The following HSDL2 variants were observed in gnomAD, a reference collection of about 807,000 sequenced individuals.
HSDL2 encodes the protein hydroxysteroid dehydrogenase like 2.
A neutral mutation model predicts 46.3 loss-of-function variants in HSDL2; 27 were observed. The observed-to-expected ratio is 0.58, with a 90% CI of 0.43 to 0.80. The LOEUF is 0.80. HSDL2 is among the 30% of genes least tolerant of loss of function. The pLI is 0.00. For missense variants in HSDL2, 451 were observed against 502.7 expected (o/e 0.90, Z 0.98); for synonymous variants, 153 against 163.6 (o/e 0.94, Z 0.50).
intron 6 of HSDL2, 75 bp from the exon 7 acceptor site, chr9:112,438,356 C>G: frequency 1.0e-6 from 1 of 957,378 alleles, no homozygotes; most frequent in Non-Finnish European, 1.4e-6. Flanking sequence ...AAGGGTGGTG[C>G]TTGCTTGTTA....
chr9:112,425,734 T>C (rs182893609), intron 6 of HSDL2, among the ~76,000 whole-genome samples: 5 of 152,326 alleles, frequency 3.3e-5, no homozygotes, highest in African/African-American at 1.2e-4. Flanking sequence ...CTGATTTTTA[T>C]TTATTTATTT....
chr9:112,430,065 C>G (rs1331245240), intron 6 of HSDL2, among the ~76,000 whole-genome samples: 1 of 150,124 alleles, frequency 6.7e-6, no homozygotes, highest in Admixed American at 6.6e-5. Context: ...GCCTGGGCAA[C>G]AGAGTTAAAC....
intron 6 of HSDL2, among the ~76,000 whole-genome samples, chr9:112,423,045 C>T (rs932778651): frequency 2.0e-5 from 3 of 152,146 alleles, no homozygotes; most frequent in African/African-American, 7.2e-5. Context: ...GTAGAAAGGG[C>T]TGTTAACCAA....
intron 4 of HSDL2, among the ~76,000 whole-genome samples, chr9:112,415,904 CG>C (rs1564114667): frequency 1.3e-5 from 2 of 152,014 alleles, no homozygotes; most frequent in African/African-American, 4.8e-5. Context: ...GGTCAGGAGT[CG>C]AGACCATCCT....
At chr9:112,426,265 T>C (rs1380899803) in intron 6 of HSDL2, among the ~76,000 whole-genome samples, 1 of 149,616 alleles carries the variant, frequency 6.7e-6, no homozygotes, top group Non-Finnish European at 1.5e-5. Flanking sequence ...AGATGGAGTC[T>C]TGCTCTGTCG....
intron 6 of HSDL2, among the ~76,000 whole-genome samples, chr9:112,436,686 T>C (rs374780035): frequency 6.6e-6 from 1 of 152,140 alleles, no homozygotes; most frequent in East Asian, 1.9e-4. Context: ...TGAATTATGT[T>C]GGAAAGTAAA....
At chr9:112,451,091 A>G (rs1205959085) in intron 8 of HSDL2, among the ~76,000 whole-genome samples, 1 of 152,072 alleles carries the variant, frequency 6.6e-6, no homozygotes, top group African/African-American at 2.4e-5. Context: ...GGTCCCAGCT[A>G]CTCAGGAAGC....
At chr9:112,383,178 G>A (rs10453232) in intron 1 of HSDL2, among the ~76,000 whole-genome samples, 95,684 of 151,800 alleles carry the variant, frequency 0.63, 30,301 homozygotes, top group East Asian at 0.65. Context: ...GGTTTAAGTG[G>A]TTCTCCTGCC....
intron 8 of HSDL2, among the ~76,000 whole-genome samples, chr9:112,446,154 C>G (rs1832756108): frequency 6.6e-6 from 1 of 151,020 alleles, no homozygotes; most frequent in Non-Finnish European, 1.5e-5. Flanking sequence ...GGAGATATCT[C>G]TAGAGCTAGT....
chr9:112,431,827 G>A (rs1832410900), intron 6 of HSDL2, among the ~76,000 whole-genome samples: 1 of 151,552 alleles, frequency 6.6e-6, no homozygotes, highest in Non-Finnish European at 1.5e-5. Context: ...AGAACTGTGA[G>A]CCAGTTAAAC....
intron 9 of HSDL2, among the ~76,000 whole-genome samples, chr9:112,458,636 C>G (rs1238080390): frequency 6.6e-6 from 1 of 151,976 alleles, no homozygotes; most frequent in Non-Finnish European, 1.5e-5. Flanking sequence ...CTATTTTAAC[C>G]ACTTCTAAGT....
At chr9:112,420,569 G>A (rs2132645753) in intron 6 of HSDL2, among the ~76,000 whole-genome samples, 1 of 151,898 alleles carries the variant, frequency 6.6e-6, no homozygotes, top group African/African-American at 2.4e-5. Flanking sequence ...TATGGCCCCA[G>A]CTGAGATGGG....
chr9:112,447,978 T>C (rs1475233490), intron 8 of HSDL2, among the ~76,000 whole-genome samples: 1 of 152,188 alleles, frequency 6.6e-6, no homozygotes, highest in Non-Finnish European at 1.5e-5. Flanking sequence ...ATTGAAAGCA[T>C]AGACTTTGGA....
chr9:112,409,660 C>T (rs991321801), intron 4 of HSDL2, among the ~76,000 whole-genome samples: 7 of 152,136 alleles, frequency 4.6e-5, no homozygotes, highest in Non-Finnish European at 7.4e-5. Flanking sequence ...TGGCAAGACG[C>T]TGTCTCTACA....
chr9:112,442,932 G>A (rs1483755410), intron 8 of HSDL2, among the ~76,000 whole-genome samples: 4 of 151,380 alleles, frequency 2.6e-5, no homozygotes, highest in African/African-American at 7.3e-5. Context: ...AATTACTTAG[G>A]TAATAAAAAG....
At chr9:112,394,898 A>C (rs983903369) in intron 1 of HSDL2, among the ~76,000 whole-genome samples, 1 of 152,234 alleles carries the variant, frequency 6.6e-6, no homozygotes, top group African/African-American at 2.4e-5. Context: ...AGATTTCTGC[A>C]GGAGCATCCA....
At chr9:112,441,406 G>A (rs1051771659) in intron 7 of HSDL2, among the ~76,000 whole-genome samples, 1 of 152,132 alleles carries the variant, frequency 6.6e-6, no homozygotes, top group African/African-American at 2.4e-5. Context: ...GGCCAGAAGA[G>A]CAGTGTAGGA....
chr9:112,416,598 A>AT (rs1832000317), intron 4 of HSDL2, among the ~76,000 whole-genome samples: 1 of 146,828 alleles, frequency 6.8e-6, no homozygotes, highest in East Asian at 2.0e-4. Context: ...TAAAAAAAAA[A>AT]AAAAAAGTAC....
chr9:112,446,822 A>C (rs1436291766), intron 8 of HSDL2, among the ~76,000 whole-genome samples: 1 of 152,184 alleles, frequency 6.6e-6, no homozygotes, highest in African/African-American at 2.4e-5. Context: ...ACTGGATTTG[A>C]AAGATGAGGA....
Sources: allele counts gnomAD v4.1 joint callset (sites outside exome capture counted in the v4.1 genomes callset), GRCh38; gene constraint gnomAD v4.1.1; transcripts MANE v1.5; gene names NCBI Gene and HGNC (gene_info 2026-07-23, HGNC 2026-07-21).